DTWD2: variants seen among roughly 807,000 people sequenced by gnomAD.
DTWD2 encodes the protein DTW motif tRNA-uridine aminocarboxypropyltransferase 2.
Under a neutral mutation model 31.8 loss-of-function variants are expected in DTWD2, and 39 were observed. The ratio of observed to expected loss-of-function variants is 1.22; its 90% CI spans 0.95 to 1.60. DTWD2 has a LOEUF of 1.60. Ranked by LOEUF, DTWD2 falls within the 40% of genes most tolerant of loss-of-function variation. The probability of loss-of-function intolerance (pLI) is 0.00; values close to 1 mark genes in which losing one functional copy is unlikely to be tolerated. For missense variants in DTWD2, 515 were observed against 381.5 expected (o/e 1.35, Z -2.92); for synonymous variants, 180 against 142.8 (o/e 1.26, Z -1.86).
intron 4 of DTWD2, among the ~76,000 whole-genome samples, chr5:118,905,104 A>G (rs555268534): frequency 1.3e-5 from 2 of 152,280 alleles, no homozygotes; most frequent in East Asian, 3.9e-4. Context: ...ACATGTGTGG[A>G]TATGTGTCTG....
intron 4 of DTWD2, among the ~76,000 whole-genome samples, chr5:118,908,024 C>T (rs1450671801): frequency 6.6e-6 from 1 of 152,204 alleles, no homozygotes; most frequent in Non-Finnish European, 1.5e-5. Context: ...CTAACCATCA[C>T]TGGACCATAT....
intron 4 of DTWD2, among the ~76,000 whole-genome samples, chr5:118,861,003 G>A (rs1752247916): frequency 6.6e-6 from 1 of 152,120 alleles, no homozygotes; most frequent in Admixed American, 6.5e-5. Flanking sequence ...GTTAAGTCAG[G>A]ATGAGAATTC....
intron 4 of DTWD2, among the ~76,000 whole-genome samples, chr5:118,897,431 C>T (rs1393331666): frequency 6.6e-6 from 1 of 152,190 alleles, no homozygotes; most frequent in African/African-American, 2.4e-5. Context: ...CAGAAGAAAA[C>T]TGGTGTTCAT....
At chr5:118,978,559 C>T (rs909643721) in intron 1 of DTWD2, among the ~76,000 whole-genome samples, 1 of 152,070 alleles carries the variant, frequency 6.6e-6, no homozygotes, top group Non-Finnish European at 1.5e-5. Flanking sequence ...CATTAAGAAG[C>T]GGGCAAAGGA....
chr5:118,969,622 CG>C (rs1754937545), intron 1 of DTWD2, among the ~76,000 whole-genome samples: 1 of 152,088 alleles, frequency 6.6e-6, no homozygotes, highest in African/African-American at 2.4e-5. Context: ...AACAAACGAA[CG>C]GAAAACAATA....
At chr5:118,843,348 A>T (rs1320149439) in intron 5 of DTWD2, among the ~76,000 whole-genome samples, 2 of 141,136 alleles carry the variant, frequency 1.4e-5, no homozygotes, top group African/African-American at 5.9e-5. Flanking sequence ...GGAGGGAGGC[A>T]GGGAGGGAGG....
At chr5:118,944,495 A>G in intron 2 of DTWD2, 64 bp downstream of exon 2, 1 of 1,482,622 alleles carries the variant, frequency 6.7e-7, no homozygotes, top group Non-Finnish European at 9.4e-7. Context: ...AAGTATGTTT[A>G]TCTTCGTGTT....
chr5:118,845,266 G>T (rs1402023295), intron 5 of DTWD2, among the ~76,000 whole-genome samples: 1 of 152,202 alleles, frequency 6.6e-6, no homozygotes, highest in Non-Finnish European at 1.5e-5. Context: ...GAATGCCCCT[G>T]ATAAAAGGTT....
At chr5:118,975,769 A>G (rs926046614) in intron 1 of DTWD2, among the ~76,000 whole-genome samples, 4 of 152,178 alleles carry the variant, frequency 2.6e-5, no homozygotes, top group African/African-American at 9.7e-5. Flanking sequence ...CTCACCATCA[A>G]TACTGGACCG....
In DTWD2 at chr5:118,840,792, G is replaced by T; in HGVS notation, c.*125C>A. The T allele has an allele frequency of 4.2e-6, 4 of 958,242 alleles. No homozygotes were observed. Among genetic ancestry groups the T allele is most frequent in the South Asian group, 2.7e-5 (1 of 37,212 alleles). 59.4% of individuals were successfully genotyped at this position (958,242 alleles called of 1,614,324 possible). ...ATATTTGGTTTACTTCCTTCTTCTG[G>T]GTAAGATTAGTATGCAATTCTCCTT... is the stretch of plus-strand genomic sequence containing the variant. On this transcript the variant is annotated 3_prime_UTR_variant, in exon 6 of 6. Transcript: ENST00000510708.
In DTWD2 at chr5:118,965,079, C is replaced by T. The variant is rs189009925; in HGVS notation, c.219-20430G>A. On this transcript the variant is annotated intron_variant, in intron 1 of 5. Coordinates refer to ENST00000510708, the MANE Select transcript of DTWD2 (RefSeq NM_173666.4). ...CCCGTCTGGGATGTGAGGAGCACCA[C>T]TGCCCGGCCGCAACCCCGTCTGGGA... 7.1e-3 allele frequency among the ~76,000 whole-genome samples: 1,080 copies of T among 152,036 alleles called. 14 individuals carry two copies. Among genetic ancestry groups the T allele is most frequent in the South Asian group, 0.034 (163 of 4,816 alleles).
intron 2 of DTWD2, among the ~76,000 whole-genome samples, chr5:118,940,678 C>T (rs973919771): frequency 6.6e-6 from 1 of 152,140 alleles, no homozygotes; most frequent in Admixed American, 6.5e-5. Flanking sequence ...TTGTCATATC[C>T]ATTTTACTAA....
At chr5:118,852,711 T>A (rs1752038751) in intron 4 of DTWD2, among the ~76,000 whole-genome samples, 1 of 85,880 alleles carries the variant, frequency 1.2e-5, no homozygotes, top group African/African-American at 3.9e-5. Flanking sequence ...AGAAATCTCA[T>A]AACTGGATAT....
intron 1 of DTWD2, among the ~76,000 whole-genome samples, chr5:118,983,677 G>A (rs1561482462): frequency 2.0e-5 from 3 of 152,210 alleles, no homozygotes; most frequent in Admixed American, 2.0e-4. Context: ...AAATCTTGCA[G>A]ACTTAGTGAT....
At chr5:118,954,066 T>C (rs186223761) in intron 1 of DTWD2, among the ~76,000 whole-genome samples, 1 of 152,112 alleles carries the variant, frequency 6.6e-6, no homozygotes, top group Admixed American at 6.5e-5. Flanking sequence ...AGCACAGGAA[T>C]TCGAGATCAG....
chr5:118,941,883 AGAT>A (rs1288147403), intron 2 of DTWD2, among the ~76,000 whole-genome samples: 6 of 152,190 alleles, frequency 3.9e-5, no homozygotes, highest in Admixed American at 6.5e-5. Flanking sequence ...AACTGGTGTG[AGAT>A]GATATCTCAT....
In DTWD2 at chr5:118,877,983, C is replaced by T. The variant is rs111918358; in HGVS notation, c.598-29765G>A. 6.1e-3 allele frequency among the ~76,000 whole-genome samples: 930 copies of T among 152,192 alleles called. 2 individuals are homozygous for T. The highest frequency in any genetic ancestry group is 0.01 in the Non-Finnish European group (696 of 68,008). On this transcript the variant is annotated intron_variant, in intron 4 of 5. Transcript: ENST00000510708. ...ATAAAATACCTAGGAATACAACTAA[C>T]TAGGGAGGTGAAAGATCTCTACAAG...
At chr5:118,873,929 G>GAGGC (rs1298109325) in intron 4 of DTWD2, among the ~76,000 whole-genome samples, 8 of 152,154 alleles carry the variant, frequency 5.3e-5, no homozygotes, top group African/African-American at 1.9e-4. Context: ...TGCCAGCAGG[G>GAGGC]AGGCAGGCAC....
chr5:118,912,169 T>A (rs1357847584), intron 4 of DTWD2, among the ~76,000 whole-genome samples: 3 of 152,208 alleles, frequency 2.0e-5, no homozygotes, highest in African/African-American at 7.2e-5. Flanking sequence ...TCTGATTAAA[T>A]GTAATTGTTT....
Sources: gnomAD v4.1 joint callset for allele counts (sites outside exome capture counted in the v4.1 genomes callset) on GRCh38, gnomAD v4.1.1 for gene constraint, MANE v1.5 for transcripts, NCBI Gene and HGNC (gene_info 2026-07-23, HGNC 2026-07-21) for gene names.